The following PINX1 variants were observed in gnomAD, a reference collection of about 807,000 sequenced individuals.
PINX1 encodes the protein PIN2 (TERF1) interacting telomerase inhibitor 1.
Under a neutral mutation model 25.4 loss-of-function variants are expected in PINX1, and 34 were observed. The ratio of observed to expected loss-of-function variants is 1.34; its 90% CI spans 1.02 to 1.78. The LOEUF (loss-of-function observed/expected upper bound fraction) is 1.78. Ranked by LOEUF, PINX1 falls within the 40% of genes most tolerant of loss-of-function variation. The pLI is 0.00. For missense variants in PINX1, 592 were observed against 404.9 expected (o/e 1.46, Z -3.97); for synonymous variants, 197 against 147.7 (o/e 1.33, Z -2.42).
intron 6 of PINX1, among the ~76,000 whole-genome samples, chr8:10,779,214 T>A (rs1423879011): frequency 6.6e-6 from 1 of 152,210 alleles, no homozygotes; most frequent in Non-Finnish European, 1.5e-5. Flanking sequence ...GACAGTGAGA[T>A]GACCACTGTG....
At chr8:10,795,827 C>T (rs1563215404) in intron 6 of PINX1, among the ~76,000 whole-genome samples, 1 of 151,638 alleles carries the variant, frequency 6.6e-6, no homozygotes, top group Non-Finnish European at 1.5e-5. Context: ...AGTATTATGA[C>T]AGTTAGCAAA....
At chr8:10,790,942 T>G (rs1450112937) in intron 6 of PINX1, among the ~76,000 whole-genome samples, 3 of 152,072 alleles carry the variant, frequency 2.0e-5, no homozygotes, top group African/African-American at 7.2e-5. Flanking sequence ...AGACAGAGTA[T>G]CCCACCGTTG....
At chr8:10,803,663 T>G (rs2129080472) in intron 6 of PINX1, among the ~76,000 whole-genome samples, 1 of 152,342 alleles carries the variant, frequency 6.6e-6, no homozygotes, top group Middle Eastern at 3.4e-3. Flanking sequence ...AGGTTCAGCT[T>G]TTTGGCAGGA....
intron 2 of PINX1, 142 bp from the exon 3 acceptor site, chr8:10,833,126 T>C (rs1420466245): frequency 5.3e-6 from 3 of 563,962 alleles, no homozygotes; most frequent in Middle Eastern, 4.4e-4. Context: ...CAAAGCAACA[T>C]GGGGGAGGAC....
chr8:10,818,284 T>A (rs1377741502), intron 6 of PINX1, among the ~76,000 whole-genome samples: 1 of 152,164 alleles, frequency 6.6e-6, no homozygotes, highest in Non-Finnish European at 1.5e-5. Context: ...GGGGCTAGCA[T>A]TAGGGAACTG....
chr8:10,782,436 T>C (rs904783650), intron 6 of PINX1, among the ~76,000 whole-genome samples: 2 of 152,000 alleles, frequency 1.3e-5, no homozygotes, highest in Non-Finnish European at 2.9e-5. Context: ...AAAAAATTTT[T>C]TTTTTTAAGT....
chr8:10,830,715 A>G (rs1368978242), intron 4 of PINX1, among the ~76,000 whole-genome samples: 2 of 152,248 alleles, frequency 1.3e-5, no homozygotes, highest in Admixed American at 1.3e-4. Flanking sequence ...AAGCGATGAA[A>G]AGATGCTTAA....
At chr8:10,831,583 T>A (rs886377591) in intron 4 of PINX1, 82 bp downstream of exon 4, 1 of 815,118 alleles carries the variant, frequency 1.2e-6, no homozygotes, top group African/African-American at 1.7e-5. Flanking sequence ...TAATTATGTG[T>A]CAACTAAAAA....
At chr8:10,776,545 G>T (rs1801403877) in intron 6 of PINX1, among the ~76,000 whole-genome samples, 1 of 151,986 alleles carries the variant, frequency 6.6e-6, no homozygotes, top group Non-Finnish European at 1.5e-5. Context: ...GTCAGCAATT[G>T]GCTGTCAGAA....
At chr8:10,774,773 C>T (rs1207113441) in intron 6 of PINX1, among the ~76,000 whole-genome samples, 4 of 152,150 alleles carry the variant, frequency 2.6e-5, no homozygotes, top group Non-Finnish European at 5.9e-5. Flanking sequence ...TTCACATACT[C>T]TTTCTTTCAC....
chr8:10,838,036 A>C (rs1488879286), intron 1 of PINX1, among the ~76,000 whole-genome samples: 1 of 152,220 alleles, frequency 6.6e-6, no homozygotes, highest in Non-Finnish European at 1.5e-5. Flanking sequence ...GATTCAAATA[A>C]GGCAAATCAG....
rs1800994350 is a variant in PINX1, at chr8:10,765,329, T to A, written c.*72A>T. 7.1e-7 allele frequency: 1 copy of A among 1,406,674 alleles called. No homozygotes were observed. The highest frequency in any genetic ancestry group is 1.5e-5 in the South Asian group (1 of 68,930). 87.1% of individuals were successfully genotyped at this position (1,406,674 alleles called of 1,614,324 possible). A position where few individuals can be genotyped will look rare whatever the true frequency, so the allele number is the denominator to read the frequency against. ...GCTCTGGGGTGAACTCTGCTGTGAC[T>A]TCAGGCCAGAGGTGTCTGCCCCCGC... is the stretch of plus-strand genomic sequence containing the variant. On this transcript the variant is annotated 3_prime_UTR_variant, in exon 7 of 7. Transcript: ENST00000314787.
At chr8:10,832,218 G>A (rs144043334) in intron 3 of PINX1, among the ~76,000 whole-genome samples, 119 of 152,230 alleles carry the variant, frequency 7.8e-4, no homozygotes, top group African/African-American at 2.8e-3. Context: ...AGGGGAGGAG[G>A]AAGAACCTTA....
At chr8:10,774,438 C>T (rs1049520756) in intron 6 of PINX1, among the ~76,000 whole-genome samples, 2 of 152,032 alleles carry the variant, frequency 1.3e-5, no homozygotes, top group Admixed American at 6.5e-5. Flanking sequence ...TGTGCCACCA[C>T]GCCCAGCTAA....
intron 6 of PINX1, among the ~76,000 whole-genome samples, chr8:10,802,715 G>A (rs969519627): frequency 6.6e-5 from 10 of 152,168 alleles, no homozygotes; most frequent in South Asian, 2.1e-4. Context: ...GGATCTGGGC[G>A]AAGATCTCTA....
intron 6 of PINX1, among the ~76,000 whole-genome samples, 187 bp from the exon 7 acceptor site, chr8:10,766,103 G>T (rs1801035146): frequency 6.6e-6 from 1 of 152,142 alleles, no homozygotes; most frequent in Non-Finnish European, 1.5e-5. Context: ...CTCCCTTCTG[G>T]TCGGCCTGAA....
chr8:10,789,028 G>A (rs1308087850), intron 6 of PINX1, among the ~76,000 whole-genome samples: 2 of 152,174 alleles, frequency 1.3e-5, no homozygotes, highest in Non-Finnish European at 2.9e-5. Context: ...AGCCCTTTGT[G>A]GGAGCGTGAA....
At chr8:10,806,483 C>T (rs978389297) in intron 6 of PINX1, among the ~76,000 whole-genome samples, 3 of 152,192 alleles carry the variant, frequency 2.0e-5, no homozygotes, top group African/African-American at 2.4e-5. Flanking sequence ...TCCCACCCCC[C>T]TCACATGTAT....
intron 6 of PINX1, among the ~76,000 whole-genome samples, chr8:10,767,124 G>A (rs1319338607): frequency 6.6e-6 from 1 of 152,162 alleles, no homozygotes; most frequent in Non-Finnish European, 1.5e-5. Flanking sequence ...TTTCATGATG[G>A]GAGGGTGGGA....
Sources: gnomAD v4.1 joint callset for allele counts (sites outside exome capture counted in the v4.1 genomes callset) on GRCh38, gnomAD v4.1.1 for gene constraint, MANE v1.5 for transcripts, NCBI Gene and HGNC (gene_info 2026-07-23, HGNC 2026-07-21) for gene names.